CADM2: variants seen among roughly 807,000 people sequenced by gnomAD.
The protein encoded by CADM2 is immunoglobulin superfamily member 4D.
In CADM2, 12 loss-of-function variants were observed where a neutral mutation model predicts 49.8. That is an observed-to-expected ratio of 0.24 (90% CI 0.15 to 0.39). The LOEUF is 0.39. CADM2 is among the 10% of genes least tolerant of loss of function. CADM2 has a pLI of 1.00. For synonymous variants in CADM2, 214 were observed against 175.4 expected (o/e 1.22, Z -1.74); for missense variants, 378 against 492.3 (o/e 0.77, Z 2.20).
intron 1 of CADM2, among the ~76,000 whole-genome samples, chr3:85,487,773 C>CGT (rs540245421): frequency 4.6e-5 from 7 of 150,870 alleles, no homozygotes; most frequent in African/African-American, 1.7e-4. Flanking sequence ...TGTGTGCGTG[C>CGT]GTGTGTGTGT....
chr3:85,955,381 T>G (rs1158583377), intron 7 of CADM2, among the ~76,000 whole-genome samples: 1 of 151,448 alleles, frequency 6.6e-6, no homozygotes, highest in Non-Finnish European at 1.5e-5. Context: ...ACTCTGTCCC[T>G]TTCCACACCA....
chr3:84,986,434 A>C (rs139471262), intron 1 of CADM2, among the ~76,000 whole-genome samples: 1,796 of 152,258 alleles, frequency 0.012, 14 homozygotes, highest in Non-Finnish European at 0.019. Context: ...TGAATATAGA[A>C]AGAAGGCATG....
chr3:85,661,741 G>T (rs1370951878), intron 1 of CADM2, among the ~76,000 whole-genome samples: 2 of 151,930 alleles, frequency 1.3e-5, no homozygotes, highest in Non-Finnish European at 2.9e-5. Context: ...TTTTAATGAA[G>T]AAAATCTCAG....
intron 1 of CADM2, among the ~76,000 whole-genome samples, chr3:84,986,264 A>G (rs1263361558): frequency 1.3e-5 from 2 of 152,182 alleles, no homozygotes; most frequent in East Asian, 3.8e-4. Flanking sequence ...CTTGCTGAAT[A>G]CTTAGAATTC....
At chr3:85,119,262 G>A (rs1356532021) in intron 1 of CADM2, among the ~76,000 whole-genome samples, 1 of 152,016 alleles carries the variant, frequency 6.6e-6, no homozygotes, top group African/African-American at 2.4e-5. Flanking sequence ...AAAAATCCGG[G>A]CATTGTGACA....
intron 1 of CADM2, among the ~76,000 whole-genome samples, chr3:84,990,331 A>G (rs1025319512): frequency 6.6e-6 from 1 of 151,698 alleles, no homozygotes; most frequent in African/African-American, 2.4e-5. Context: ...TTGATCCAAT[A>G]TATTTTTATA....
At chr3:84,979,723 T>C (rs926064561) in intron 1 of CADM2, among the ~76,000 whole-genome samples, 4 of 152,108 alleles carry the variant, frequency 2.6e-5, no homozygotes, top group Non-Finnish European at 5.9e-5. Flanking sequence ...TCAACTACTC[T>C]AAGAGTCCTT....
chr3:85,964,571 A>G (rs562473222), intron 8 of CADM2, among the ~76,000 whole-genome samples: 25 of 151,538 alleles, frequency 1.6e-4, no homozygotes, highest in African/African-American at 5.8e-4. Context: ...TGATTCCCCC[A>G]CTCCCTCCTA....
At chr3:85,874,903 T>C (rs1203571626) in intron 3 of CADM2, among the ~76,000 whole-genome samples, 1 of 152,138 alleles carries the variant, frequency 6.6e-6, no homozygotes, top group Non-Finnish European at 1.5e-5. Context: ...GTTAACAGTC[T>C]TCTCTCATAA....
intron 1 of CADM2, among the ~76,000 whole-genome samples, chr3:85,301,813 C>G (rs2044108093): frequency 6.6e-6 from 1 of 151,998 alleles, no homozygotes; most frequent in Admixed American, 6.6e-5. Context: ...GTGATATGAG[C>G]TCAGGTCTCC....
At position 84,959,320 on chromosome 3, in the gene CADM2, A is replaced by C; in HGVS notation, c.-288A>C. The C allele has an allele frequency of 1.9e-6, 1 of 513,808 alleles. No homozygotes were observed. Among genetic ancestry groups the C allele is most frequent in the East Asian group, 3.5e-5 (1 of 28,254 alleles). The allele number at this position is 513,808 out of a possible 1,614,324, so 31.8% of individuals were successfully genotyped here. On this transcript the variant is annotated 5_prime_UTR_variant, in exon 1 of 10. Transcript: ENST00000383699. ...GGACTTGCTGTGCGCGCCGAGAGGA[A>C]GGCAAGCTCCAAACCCCTGCCTGGA... is the stretch of plus-strand genomic sequence containing the variant.
chr3:85,948,472 G>T (rs1231522978), intron 7 of CADM2, among the ~76,000 whole-genome samples: 2 of 151,130 alleles, frequency 1.3e-5, no homozygotes, highest in African/African-American at 2.4e-5. Flanking sequence ...ATATACAAAG[G>T]AAATAAAATG....
chr3:85,368,172 T>C (rs13323065), intron 1 of CADM2, among the ~76,000 whole-genome samples: 150 of 152,226 alleles, frequency 9.9e-4, no homozygotes, highest in African/African-American at 3.5e-3. Context: ...TGAATACTTA[T>C]AACTTTTCAG....
chr3:85,372,051 A>G (rs576068044), intron 1 of CADM2, among the ~76,000 whole-genome samples: 88 of 151,608 alleles, frequency 5.8e-4, no homozygotes, highest in Non-Finnish European at 1.1e-3. Flanking sequence ...AAAAGTGCCT[A>G]GATAATCTGC....
intron 2 of CADM2, among the ~76,000 whole-genome samples, chr3:85,770,773 C>A (rs2070042894): frequency 6.6e-6 from 1 of 152,150 alleles, no homozygotes; most frequent in South Asian, 2.1e-4. Context: ...TGTTAACTAA[C>A]TTCCTTTCTC....
chr3:85,923,545 A>AAAC (rs1308160832), intron 6 of CADM2, among the ~76,000 whole-genome samples: 1 of 151,552 alleles, frequency 6.6e-6, no homozygotes, highest in Non-Finnish European at 1.5e-5. Context: ...AGCAAAAAAA[A>AAAC]AAAACAACAA....
At chr3:85,681,948 A>G (rs2066050837) in intron 1 of CADM2, among the ~76,000 whole-genome samples, 1 of 152,130 alleles carries the variant, frequency 6.6e-6, no homozygotes, top group Non-Finnish European at 1.5e-5. Flanking sequence ...AGGGCTCAGC[A>G]TGCATTTTGC....
chr3:85,692,835 A>G (rs1377111081), intron 1 of CADM2, among the ~76,000 whole-genome samples: 1 of 152,212 alleles, frequency 6.6e-6, no homozygotes, highest in Non-Finnish European at 1.5e-5. Context: ...TTCCACAAAG[A>G]AAGCTCATTA....
intron 8 of CADM2, among the ~76,000 whole-genome samples, chr3:86,062,819 T>C (rs77421929): frequency 1.3e-5 from 2 of 151,568 alleles, no homozygotes; most frequent in Admixed American, 6.6e-5. Context: ...TTTTTTTTTT[T>C]CAGGCAGAGA....
Sources: allele counts gnomAD v4.1 joint callset (sites outside exome capture counted in the v4.1 genomes callset), GRCh38; gene constraint gnomAD v4.1.1; transcripts MANE v1.5; gene names NCBI Gene and HGNC (gene_info 2026-07-23, HGNC 2026-07-21).